The following EXOC5 variants were observed in gnomAD, a reference collection of about 807,000 sequenced individuals.
EXOC5 encodes the protein SEC10-like 1.
In EXOC5, 17 loss-of-function variants were observed where a neutral mutation model predicts 90.8. The ratio of observed to expected loss-of-function variants is 0.19; its 90% CI spans 0.13 to 0.28. EXOC5 has a LOEUF of 0.28. Among genes scored for constraint, EXOC5 ranks in the 10% least tolerant of loss-of-function variants. The probability of loss-of-function intolerance (pLI) is 1.00; values close to 1 mark genes in which losing one functional copy is unlikely to be tolerated. For synonymous variants in EXOC5, 260 were observed against 270.0 expected (o/e 0.96, Z 0.36); for missense variants, 569 against 830.6 (o/e 0.69, Z 3.87).
In EXOC5 at chr14:57,247,711, T is replaced by A. The variant is rs1377307268; in HGVS notation, c.29A>T (p.Glu10Val). The A allele has an allele frequency of 6.6e-7, 1 of 1,518,070 alleles. No individual in the cohort carries two copies. The highest frequency in any genetic ancestry group is 2.1e-5 in the Admixed American group (1 of 48,220). 94.0% of individuals were successfully genotyped at this position (1,518,070 alleles called of 1,614,324 possible). MATTAELFE[E>V]PFVADEYIER... ...AATATATTCATCTGCCACAAAAGGC[T>A]CCTAGTTTACAAAAAAATACGCTTT... The change falls in exon 2 of 18, where the codon GAG becomes GTG. Residue 10 changes from glutamate (E) to valine (V), a missense_variant and splice_region_variant. Glu to Val is a moderately radical substitution (Grantham distance 121). This residue lies in a region of EXOC5 where 22 missense variants were observed against 16.6 expected (regional missense o/e 1.33). Transcript: ENST00000621441.
At position 57,202,814 on chromosome 14, in the gene EXOC5, T is replaced by C. The variant is rs940372443; in HGVS notation, c.*5795A>G. On this transcript the variant is annotated 3_prime_UTR_variant, in exon 18 of 18. Coordinates refer to ENST00000621441, the MANE Select transcript of EXOC5 (RefSeq NM_006544.4). ...CATAATTGGGATAGCAAAATGTTCA[T>C]AGATGCTGTAAAGTTGTGTGAATTC... is the stretch of plus-strand genomic sequence containing the variant. 6 of 152,178 alleles carry C rather than the reference T, an allele frequency of 3.9e-5. No homozygotes were observed. Among genetic ancestry groups the C allele is most frequent in the Non-Finnish European group, 8.8e-5 (6 of 68,026 alleles). The allele number at this position is 152,178 out of a possible 1,614,324, so 9.4% of individuals were successfully genotyped here.
intron 1 of EXOC5, among the ~76,000 whole-genome samples, chr14:57,262,707 GTA>G (rs889702202): frequency 5.5e-5 from 8 of 145,190 alleles, no homozygotes; most frequent in African/African-American, 1.5e-4. Flanking sequence ...ATATATATAT[GTA>G]TATATATGTG....
At chr14:57,260,488 C>T (rs188053197) in intron 1 of EXOC5, among the ~76,000 whole-genome samples, 74 of 152,106 alleles carry the variant, frequency 4.9e-4, no homozygotes, top group African/African-American at 1.5e-3. Context: ...ACTATTTAAA[C>T]GATGGTAGTT....
chr14:57,255,531 C>A (rs755406076), intron 1 of EXOC5, among the ~76,000 whole-genome samples: 8 of 152,026 alleles, frequency 5.3e-5, no homozygotes, highest in Non-Finnish European at 1.0e-4. Context: ...CACTGGAACA[C>A]CCTGATGAAG....
chr14:57,242,156 G>C (rs28559584), intron 4 of EXOC5, among the ~76,000 whole-genome samples: 1 of 142,850 alleles, frequency 7.0e-6, no homozygotes, highest in Admixed American at 7.0e-5. Context: ...AGAAAAAAAA[G>C]AAAAAAAAAC....
Position 57,231,705 on chromosome 14 carries a change from G to C in EXOC5, c.949C>G (p.Leu317Val). The C allele has an allele frequency of 3.7e-6, 6 of 1,600,900 alleles. No individual in the cohort carries two copies. Among genetic ancestry groups the C allele is most frequent in the Non-Finnish European group, 5.1e-6 (6 of 1,173,712 alleles). ...TTAAACTCCATCAGCTTGCTGGAAAGATTGGTGGTTCTTTTCATGAAAAAG... is the reference window on the plus strand; with the variant it reads ...TTAAACTCCATCAGCTTGCTGGAAACATTGGTGGTTCTTTTCATGAAAAAG... The part of the protein sequence containing the change: ...LYDLYTRTTN[L>V]SSKLMEFNLG... The change falls in exon 11 of 18, where the codon CTT (leucine) becomes GTT (valine). Residue 317 changes from leucine to valine, a missense_variant. Coordinates refer to ENST00000621441, the MANE Select transcript of EXOC5 (RefSeq NM_006544.4).
At chr14:57,222,817 A>G in intron 12 of EXOC5, among the ~76,000 whole-genome samples, 1 of 151,640 alleles carries the variant, frequency 6.6e-6, no homozygotes, top group East Asian at 1.9e-4. Context: ...ACATACATAC[A>G]TACACAGGGC....
In EXOC5 at chr14:57,204,467, C is replaced by T. The variant is rs1009476805; in HGVS notation, c.*4142G>A. 1 of 152,088 alleles carries T rather than the reference C, an allele frequency of 6.6e-6. No homozygotes were observed. Among genetic ancestry groups the T allele is most frequent in the South Asian group, 2.1e-4 (1 of 4,824 alleles). The allele number at this position is 152,088 out of a possible 1,614,324, so 9.4% of individuals were successfully genotyped here. A position where few individuals can be genotyped will look rare whatever the true frequency, so the allele number is the denominator to read the frequency against. ...AAATATTTTGCCTTACATTTTCACT[C>T]CAGCATTAGTCATTTAAAAACTACC... is the stretch of plus-strand genomic sequence containing the variant. On this transcript the variant is annotated 3_prime_UTR_variant, in exon 18 of 18. Coordinates refer to ENST00000621441, the MANE Select transcript of EXOC5 (RefSeq NM_006544.4).
rs1169021025 is a variant in EXOC5, at chr14:57,205,021, G to A, written c.*3588C>T. The A allele has an allele frequency of 1.3e-5, 2 of 151,930 alleles. No homozygotes were observed. The highest frequency in any genetic ancestry group is 4.8e-5 in the African/African-American group (2 of 41,440). The allele number at this position is 151,930 out of a possible 1,614,324, so 9.4% of individuals were successfully genotyped here. On this transcript the variant is annotated 3_prime_UTR_variant, in exon 18 of 18. Coordinates refer to ENST00000621441, the MANE Select transcript of EXOC5 (RefSeq NM_006544.4). Reference sequence around the variant, plus strand: ...TTTCAATCTGAGCATTTTACTAGCTGTAGACCTTGACTGGTCTACTTATCT... The same window carrying A: ...TTTCAATCTGAGCATTTTACTAGCTATAGACCTTGACTGGTCTACTTATCT...
At chr14:57,220,178 A>C (rs74544518) in intron 13 of EXOC5, among the ~76,000 whole-genome samples, 1,935 of 152,150 alleles carry the variant, frequency 0.013, 19 homozygotes, top group South Asian at 0.023. Flanking sequence ...TTCTCTTAAT[A>C]ATGGAAAACA....
intron 12 of EXOC5, among the ~76,000 whole-genome samples, chr14:57,226,738 G>C (rs2139628812): frequency 6.6e-6 from 1 of 152,270 alleles, no homozygotes; most frequent in East Asian, 1.9e-4. Context: ...AGTGCGGAAA[G>C]GATAGTCTTT....
At chr14:57,235,859 G>C (rs1221538496) in intron 6 of EXOC5, 39 bp from the exon 7 acceptor site, 1 of 930,512 alleles carries the variant, frequency 1.1e-6, no homozygotes, top group African/African-American at 1.6e-5. Context: ...AGGCATACAA[G>C]GCATCCACGT....
At chr14:57,217,596 C>A (rs1223174560) in intron 15 of EXOC5, among the ~76,000 whole-genome samples, 1 of 152,090 alleles carries the variant, frequency 6.6e-6, no homozygotes, top group East Asian at 1.9e-4. Context: ...ATGGCTGTTT[C>A]CCTGTCTCTC....
At chr14:57,234,527 GTGTGTGTGTGTA>G (rs1402400977) in intron 7 of EXOC5, among the ~76,000 whole-genome samples, 3 of 147,374 alleles carry the variant, frequency 2.0e-5, no homozygotes, top group African/African-American at 7.5e-5. Context: ...GTGTGTGTGT[GTGTGTGTGTGTA>G]TATATATATA....
At chr14:57,222,715 C>A (rs918170603) in intron 12 of EXOC5, among the ~76,000 whole-genome samples, 1 of 148,916 alleles carries the variant, frequency 6.7e-6, no homozygotes, top group African/African-American at 2.5e-5. Flanking sequence ...TATATATATA[C>A]CCCCATATAT....
chr14:57,229,867 T>C lies in EXOC5; in HGVS notation c.1163A>G (p.Lys388Arg). The C allele has an allele frequency of 1.4e-6, 2 of 1,468,096 alleles. No individual in the cohort carries two copies. The highest frequency in any genetic ancestry group is 1.8e-6 in the Non-Finnish European group (2 of 1,091,392). 90.9% of individuals were successfully genotyped at this position (1,468,096 alleles called of 1,614,324 possible). A position where few individuals can be genotyped will look rare whatever the true frequency, so the allele number is the denominator to read the frequency against. The change falls in exon 12 of 18, where the codon AAG becomes AGG. Residue 388 changes from lysine (K) to arginine (R), a missense_variant. Coordinates refer to ENST00000621441, the MANE Select transcript of EXOC5 (RefSeq NM_006544.4). ...GTTGGTACGCTGTCTAATTCTTTCC[T>C]TCAAATCTTGAATACTAGTACATCA... is the stretch of plus-strand genomic sequence containing the variant. ...SIGTGGIQDL[K>R]ERIRQRTNLP...
chr14:57,262,405 C>G (rs1027920533), intron 1 of EXOC5, among the ~76,000 whole-genome samples: 1 of 151,794 alleles, frequency 6.6e-6, no homozygotes, highest in Admixed American at 6.6e-5. Context: ...AAATTACCAC[C>G]CACATAAAGT....
chr14:57,259,414 T>G (rs572632755), intron 1 of EXOC5, among the ~76,000 whole-genome samples: 1 of 152,212 alleles, frequency 6.6e-6, no homozygotes, highest in Non-Finnish European at 1.5e-5. Context: ...CACACTCTTA[T>G]ATCTACCCTT....
chr14:57,265,913 C>T (rs1434187278), intron 1 of EXOC5, among the ~76,000 whole-genome samples: 2 of 152,084 alleles, frequency 1.3e-5, no homozygotes, highest in Non-Finnish European at 2.9e-5. Flanking sequence ...GAGAAACTTC[C>T]AGGATATACA....
Sources: gnomAD v4.1 joint callset for allele counts (sites outside exome capture counted in the v4.1 genomes callset) on GRCh38, gnomAD v4.1.1 for gene constraint, gnomAD v4.1.1 regional missense constraint, MANE v1.5 for transcripts, NCBI Gene and HGNC (gene_info 2026-07-23, HGNC 2026-07-21) for gene names.